PDSS2: variants seen among roughly 807,000 people sequenced by gnomAD.
PDSS2 encodes all trans-polyprenyl-diphosphate synthase PDSS2.
PDSS2 carries 31 observed loss-of-function variants against 44.5 expected under a neutral mutation model. The observed-to-expected ratio is 0.70, with a 90% confidence interval of 0.52 to 0.94. The LOEUF is 0.94. PDSS2 is among the 40% of genes least tolerant of loss of function. PDSS2 has a pLI of 0.00. For missense variants in PDSS2, 452 were observed against 482.2 expected (o/e 0.94, Z 0.59); for synonymous variants, 157 against 180.3 (o/e 0.87, Z 1.03).
In PDSS2 at chr6:107,452,911, C is replaced by T. The variant is rs149130228; in HGVS notation, c.296+6079G>A. Among the ~76,000 whole-genome samples, 1,354 of 151,072 alleles carry T rather than the reference C, an allele frequency of 9.0e-3. 51 individuals are homozygous for T. In the East Asian group the frequency reaches 0.12, roughly 13 times the overall value. On this transcript the variant is annotated intron_variant, in intron 1 of 7. Transcript: ENST00000369037. ...CGAACTCCTGACCTTGTGATCTGCC[C>T]GCCTCGGCCTCCCAAAATGCTGGGA... is the stretch of plus-strand genomic sequence containing the variant.
Position 107,295,991 on chromosome 6 carries a change from G to C in PDSS2, c.432-21764C>G, listed in dbSNP as rs143221388. On this transcript the variant is annotated intron_variant, in intron 2 of 7. Coordinates refer to ENST00000369037, the MANE Select transcript of PDSS2 (RefSeq NM_020381.4). ...AAGTAAGGGTATGTGAATTGCTTTT[G>C]TCAATGAGAAGTGAGTTAAAAATGT... is the stretch of plus-strand genomic sequence containing the variant. Among the ~76,000 whole-genome samples the C allele has an allele frequency of 4.2e-3, 634 of 152,256 alleles. 5 individuals carry two copies. The highest frequency in any genetic ancestry group is 0.014 in the Middle Eastern group (4 of 294).
At chr6:107,258,353 T>G (rs1775094887) in intron 3 of PDSS2, among the ~76,000 whole-genome samples, 1 of 151,548 alleles carries the variant, frequency 6.6e-6, no homozygotes, top group South Asian at 2.1e-4. Flanking sequence ...GGTTATAAGA[T>G]GCAAGTTTAG....
intron 1 of PDSS2, among the ~76,000 whole-genome samples, chr6:107,379,735 T>G (rs1304773485): frequency 6.6e-6 from 1 of 152,172 alleles, no homozygotes; most frequent in Non-Finnish European, 1.5e-5. Flanking sequence ...TATTCTTTTA[T>G]TCATGTCTTT....
intron 6 of PDSS2, among the ~76,000 whole-genome samples, chr6:107,207,990 T>TTG (rs1390022170): frequency 1.4e-5 from 2 of 145,174 alleles, no homozygotes; most frequent in African/African-American, 2.5e-5. Flanking sequence ...TTTTTTTTTT[T>TTG]TTTTTTTTTT....
chr6:107,429,901 A>AAATATATATATAT (rs1166637352), intron 1 of PDSS2, among the ~76,000 whole-genome samples: 1 of 31,840 alleles, frequency 3.1e-5, no homozygotes, highest in African/African-American at 1.3e-4. Flanking sequence ...AAAAAAAAAA[A>AAATATATATATAT]ATATATATAT....
chr6:107,330,241 A>G (rs1777671631), intron 2 of PDSS2, among the ~76,000 whole-genome samples: 1 of 152,146 alleles, frequency 6.6e-6, no homozygotes, highest in African/African-American at 2.4e-5. Flanking sequence ...TTTTATGGCC[A>G]GGAAATAGTA....
At chr6:107,445,188 T>A (rs59312988) in intron 1 of PDSS2, among the ~76,000 whole-genome samples, 2,495 of 149,884 alleles carry the variant, frequency 0.017, 37 homozygotes, top group African/African-American at 0.029. Context: ...ATTACATATT[T>A]TATATATATA....
Position 107,231,322 on chromosome 6 carries a change from T to A in PDSS2, c.702+14226A>T, listed in dbSNP as rs118144487. On this transcript the variant is annotated intron_variant, in intron 4 of 7. Coordinates refer to ENST00000369037, the MANE Select transcript of PDSS2 (RefSeq NM_020381.4). ...AGAACAGGTTAAAAGATGGTAGATG[T>A]TGACTTAGTTCCACAAAATACACAG... Among the ~76,000 whole-genome samples, 68 of 152,334 alleles carry A rather than the reference T, an allele frequency of 4.5e-4. 1 individual carries two copies. In the East Asian group the frequency reaches 0.013, roughly 29 times the overall value.
chr6:107,170,675 C>A (rs552373662), intron 7 of PDSS2, among the ~76,000 whole-genome samples: 1 of 147,108 alleles, frequency 6.8e-6, no homozygotes, highest in African/African-American at 2.5e-5. Flanking sequence ...TGCAGTGGCA[C>A]AATCTCGGCT....
intron 2 of PDSS2, among the ~76,000 whole-genome samples, chr6:107,333,276 C>T (rs942621901): frequency 6.6e-6 from 1 of 151,982 alleles, no homozygotes; most frequent in Non-Finnish European, 1.5e-5. Context: ...TAATACAGTG[C>T]CAAGCATATT....
chr6:107,344,247 GA>G (rs1039183762), intron 1 of PDSS2, among the ~76,000 whole-genome samples: 18 of 151,656 alleles, frequency 1.2e-4, no homozygotes, highest in African/African-American at 4.4e-4. Context: ...AGTTATAAAA[GA>G]AAAAAACACT....
intron 1 of PDSS2, among the ~76,000 whole-genome samples, chr6:107,363,656 G>T (rs1330826043): frequency 2.0e-5 from 3 of 152,174 alleles, no homozygotes; most frequent in Non-Finnish European, 4.4e-5. Context: ...GGTGTGGAAG[G>T]GGACCCGAGC....
At chr6:107,303,696 C>CATACTAT (rs1776769153) in intron 2 of PDSS2, among the ~76,000 whole-genome samples, 1 of 152,030 alleles carries the variant, frequency 6.6e-6, no homozygotes, top group Non-Finnish European at 1.5e-5. Context: ...ATGGATGTAC[C>CATACTAT]ACAATATTCT....
chr6:107,311,987 G>T (rs1157858292), intron 2 of PDSS2, among the ~76,000 whole-genome samples: 3 of 152,176 alleles, frequency 2.0e-5, no homozygotes, highest in Admixed American at 2.0e-4. Flanking sequence ...GAGTACTTAG[G>T]TTGGCCTGGG....
chr6:107,318,165 G>A (rs1777261438), intron 2 of PDSS2, among the ~76,000 whole-genome samples: 1 of 152,060 alleles, frequency 6.6e-6, no homozygotes, highest in African/African-American at 2.4e-5. Flanking sequence ...AATAACAAAA[G>A]GAATCCTGAG....
At chr6:107,276,892 G>C (rs971719742) in intron 2 of PDSS2, among the ~76,000 whole-genome samples, 1 of 152,184 alleles carries the variant, frequency 6.6e-6, no homozygotes, top group Non-Finnish European at 1.5e-5. Context: ...AGGTCCAGCT[G>C]TCCCAGTCAA....
chr6:107,435,078 A>G (rs1781307659), intron 1 of PDSS2, among the ~76,000 whole-genome samples: 2 of 152,032 alleles, frequency 1.3e-5, no homozygotes, highest in South Asian at 4.1e-4. Flanking sequence ...GGAGTTTAAG[A>G]CCAGCCTGGG....
chr6:107,438,353 C>T (rs1781417618), intron 1 of PDSS2, among the ~76,000 whole-genome samples: 1 of 152,076 alleles, frequency 6.6e-6, no homozygotes, highest in South Asian at 2.1e-4. Flanking sequence ...GAATTACAAG[C>T]ATGCACCACC....
chr6:107,225,145 A>ATT (rs1773752728), intron 4 of PDSS2, among the ~76,000 whole-genome samples: 1 of 49,310 alleles, frequency 2.0e-5, no homozygotes, highest in Non-Finnish European at 3.3e-5. Context: ...TTTTATATAT[A>ATT]TATATATATA....
Sources: gnomAD v4.1 joint callset for allele counts (sites outside exome capture counted in the v4.1 genomes callset) on GRCh38, gnomAD v4.1.1 for gene constraint, MANE v1.5 for transcripts, NCBI Gene and HGNC (gene_info 2026-07-23, HGNC 2026-07-21) for gene names.